CFDP1: variants seen among roughly 807,000 people sequenced by gnomAD.
CFDP1 encodes the protein heterochromatin-stabilizing protein CFDP1.
Under a neutral mutation model 40.1 loss-of-function variants are expected in CFDP1, and 31 were observed. The ratio of observed to expected loss-of-function variants is 0.77; its 90% CI spans 0.58 to 1.04. The LOEUF (loss-of-function observed/expected upper bound fraction) is 1.04. Among genes scored for constraint, CFDP1 ranks in the 50% least tolerant of loss-of-function variants. The pLI, the probability that CFDP1 is intolerant of heterozygous loss-of-function variation, is 0.00. For synonymous variants in CFDP1, 167 were observed against 120.0 expected, an observed-to-expected ratio of 1.39 and a Z score of -2.56; for missense variants, 423 against 343.4, an observed-to-expected ratio of 1.23 and a Z score of -1.83.
At chr16:75,397,106 G>A (rs970745905) in intron 4 of CFDP1, among the ~76,000 whole-genome samples, 20 of 151,828 alleles carry the variant, frequency 1.3e-4, no homozygotes, top group South Asian at 2.1e-4. Context: ...AGTAGAGATG[G>A]GGTTTCACCG....
intron 6 of CFDP1, among the ~76,000 whole-genome samples, chr16:75,295,953 C>T (rs955575299): frequency 2.0e-5 from 3 of 152,288 alleles, no homozygotes; most frequent in Non-Finnish European, 2.9e-5. Flanking sequence ...CTCAGAGGCA[C>T]GTTCACTACA....
intron 3 of CFDP1, 33 bp from the exon 4 acceptor site, chr16:75,411,985 C>A: frequency 6.4e-6 from 10 of 1,570,458 alleles, no homozygotes; most frequent in South Asian, 2.4e-5. Flanking sequence ...AATGTTTCAC[C>A]AAAAGATGAA....
intron 5 of CFDP1, among the ~76,000 whole-genome samples, chr16:75,324,305 G>A (rs575353961): frequency 6.6e-6 from 1 of 152,188 alleles, no homozygotes; most frequent in South Asian, 2.1e-4. Context: ...CCACAACGAG[G>A]CAACAGGCAC....
chr16:75,303,428 T>TATGTATGTATGTATGC (rs1873400471), intron 6 of CFDP1, among the ~76,000 whole-genome samples: 1 of 151,522 alleles, frequency 6.6e-6, no homozygotes. Flanking sequence ...TGTATGTATG[T>TATGTATGTATGTATGC]TTAGGGAAAA....
At chr16:75,375,888 C>G (rs920396861) in intron 5 of CFDP1, among the ~76,000 whole-genome samples, 8 of 151,800 alleles carry the variant, frequency 5.3e-5, no homozygotes, top group African/African-American at 1.9e-4. Flanking sequence ...TAAAATGGTA[C>G]AACCATCTTG....
At chr16:75,329,910 A>G (rs1475248128) in intron 5 of CFDP1, among the ~76,000 whole-genome samples, 1 of 152,240 alleles carries the variant, frequency 6.6e-6, no homozygotes, top group Non-Finnish European at 1.5e-5. Context: ...GGCCCCTGAC[A>G]GTGCCTGATA....
intron 1 of CFDP1, among the ~76,000 whole-genome samples, chr16:75,428,173 C>T (rs12929908): frequency 0.52 from 77,624 of 149,426 alleles, 21,074 homozygotes; most frequent in Admixed American, 0.64. Context: ...TGAAACTGTT[C>T]ATTTTGGTGG....
At chr16:75,301,227 A>G (rs1357366728) in intron 6 of CFDP1, among the ~76,000 whole-genome samples, 1 of 152,184 alleles carries the variant, frequency 6.6e-6, no homozygotes, top group Non-Finnish European at 1.5e-5. Context: ...TCTACTTTAT[A>G]TATGAAGAAA....
intron 5 of CFDP1, among the ~76,000 whole-genome samples, chr16:75,386,253 A>C (rs186839919): frequency 1.1e-4 from 16 of 152,360 alleles, no homozygotes; most frequent in African/African-American, 3.8e-4. Flanking sequence ...TGCTATGTGT[A>C]AATAAAGTTC....
At chr16:75,389,575 T>C (rs1465026084) in intron 5 of CFDP1, among the ~76,000 whole-genome samples, 1 of 152,228 alleles carries the variant, frequency 6.6e-6, no homozygotes, top group South Asian at 2.1e-4. Flanking sequence ...TGCTCTGGTT[T>C]TCCTGTATTG....
At chr16:75,301,509 T>C (rs942717176) in intron 6 of CFDP1, among the ~76,000 whole-genome samples, 1 of 149,374 alleles carries the variant, frequency 6.7e-6, no homozygotes, top group Non-Finnish European at 1.5e-5. Context: ...AAGTTTCTTT[T>C]TTCTCAACAT....
At chr16:75,415,473 C>G (rs776628936) in intron 1 of CFDP1, among the ~76,000 whole-genome samples, 2 of 152,338 alleles carry the variant, frequency 1.3e-5, no homozygotes. Flanking sequence ...GCTCGAGGAA[C>G]TGAACATTAG....
At chr16:75,393,882 A>T (rs2078974271) in intron 5 of CFDP1, among the ~76,000 whole-genome samples, 1 of 151,810 alleles carries the variant, frequency 6.6e-6, no homozygotes, top group Non-Finnish European at 1.5e-5. Context: ...ACACAGTGAA[A>T]CCTCGTCTCT....
In CFDP1 at chr16:75,363,427, G is replaced by A. The variant is rs146265319; in HGVS notation, c.650+31663C>T. 6.9e-3 allele frequency among the ~76,000 whole-genome samples: 1,034 copies of A among 149,790 alleles called. 8 individuals are homozygous for A. The highest frequency in any genetic ancestry group is 0.017 in the Middle Eastern group (5 of 288). ...TTTTTTTTCCATGAGATGGTGTCTCGCTCTGTCGCCCAGGCTGGAGTGCAG... is the reference window on the plus strand; with the variant it reads ...TTTTTTTTCCATGAGATGGTGTCTCACTCTGTCGCCCAGGCTGGAGTGCAG... On this transcript the variant is annotated intron_variant, in intron 5 of 6. Coordinates refer to ENST00000283882, the MANE Select transcript of CFDP1 (RefSeq NM_006324.3).
chr16:75,382,636 T>C (rs1013105000), intron 5 of CFDP1, among the ~76,000 whole-genome samples: 1 of 152,210 alleles, frequency 6.6e-6, no homozygotes, highest in African/African-American at 2.4e-5. Flanking sequence ...CACAGAAACA[T>C]GGCTGAAAAG....
chr16:75,361,015 T>C (rs898162779), intron 5 of CFDP1, among the ~76,000 whole-genome samples: 1 of 152,162 alleles, frequency 6.6e-6, no homozygotes, highest in African/African-American at 2.4e-5. Context: ...CCAATTTTCT[T>C]TTCTTTTTTT....
chr16:75,356,145 A>G (rs768696840), intron 5 of CFDP1, among the ~76,000 whole-genome samples: 1 of 152,206 alleles, frequency 6.6e-6, no homozygotes, highest in Non-Finnish European at 1.5e-5. Context: ...AAGGTTTTCA[A>G]TAAACTCTGT....
At chr16:75,411,675 TAATTTATAG>T in intron 4 of CFDP1, 141 bp downstream of exon 4, 1 of 751,196 alleles carries the variant, frequency 1.3e-6, no homozygotes, top group Non-Finnish European at 2.1e-6. Flanking sequence ...TACTCCCTGG[TAATTTATAG>T]AGCCAGTTTT....
At chr16:75,297,146 T>TTGTGTGTG (rs71158596) in intron 6 of CFDP1, among the ~76,000 whole-genome samples, 2 of 132,988 alleles carry the variant, frequency 1.5e-5, no homozygotes, top group African/African-American at 2.7e-5. Flanking sequence ...TTCCCATTTC[T>TTGTGTGTG]TGTGTGTGTG....
Sources: allele counts gnomAD v4.1 joint callset (sites outside exome capture counted in the v4.1 genomes callset), GRCh38; gene constraint gnomAD v4.1.1; transcripts MANE v1.5; gene names NCBI Gene and HGNC (gene_info 2026-07-23, HGNC 2026-07-21).